TNS4: variants seen among roughly 807,000 people sequenced by gnomAD.
TNS4 encodes tensin-4.
TNS4 carries 46 observed loss-of-function variants against 70.4 expected under a neutral mutation model. The observed-to-expected ratio is 0.65, with a 90% confidence interval of 0.52 to 0.84. The LOEUF is 0.84. TNS4 is among the 40% of genes least tolerant of loss of function. TNS4 has a pLI of 0.00. For missense variants in TNS4, 863 were observed against 907.0 expected (o/e 0.95, Z 0.62); for synonymous variants, 390 against 366.6 (o/e 1.06, Z -0.73).
intron 2 of TNS4, among the ~76,000 whole-genome samples, chr17:40,495,581 C>T (rs1391960348): frequency 2.0e-5 from 3 of 152,120 alleles, no homozygotes; most frequent in African/African-American, 7.2e-5. Flanking sequence ...GGACAGAGGT[C>T]CCAATAGCAA....
chr17:40,483,180 C>G (rs1220880939), intron 6 of TNS4, among the ~76,000 whole-genome samples: 1 of 152,012 alleles, frequency 6.6e-6, no homozygotes, highest in Non-Finnish European at 1.5e-5. Context: ...TGAGCTCAAG[C>G]AGTTCTCCTG....
chr17:40,480,162 A>C, intron 9 of TNS4: 1 of 355,526 alleles, frequency 2.8e-6, no homozygotes. Context: ...TCCTCCCCAC[A>C]CCTCCATCTT....
At chr17:40,497,193 G>A (rs1472530661) in intron 1 of TNS4, among the ~76,000 whole-genome samples, 1 of 152,196 alleles carries the variant, frequency 6.6e-6, no homozygotes, top group African/African-American at 2.4e-5. Context: ...CTAGTTCAGT[G>A]GGGAGGTTAG....
chr17:40,485,080 C>A, intron 4 of TNS4, 73 bp from the exon 5 acceptor site: 1 of 1,327,250 alleles, frequency 7.5e-7, no homozygotes, highest in Non-Finnish European at 1.1e-6. Flanking sequence ...CCAGAGAAGG[C>A]TGGAGACCCT....
rs1278845659 is a variant in TNS4 at position 40,487,030 on chromosome 17, A to G, written c.1288+6T>C. The G allele has an allele frequency of 6.2e-7, 1 of 1,612,492 alleles. No homozygotes were observed. Among genetic ancestry groups the G allele is most frequent in the East Asian group, 2.2e-5 (1 of 44,818 alleles). On this transcript the variant is annotated splice_donor_region_variant and intron_variant, in intron 4 of 12. Transcript: ENST00000254051. Reference sequence around the variant, plus strand: ...ACATTGCTTCAAATATTGGTTTACGACGTACCCTCTGGGCATGTGGTAAAG... The same window carrying G: ...ACATTGCTTCAAATATTGGTTTACGGCGTACCCTCTGGGCATGTGGTAAAG...
intron 12 of TNS4, 121 bp from the exon 13 acceptor site, chr17:40,477,850 AT>A: frequency 1.1e-6 from 1 of 910,340 alleles, no homozygotes; most frequent in Non-Finnish European, 1.7e-6. Context: ...CCCTTAGCCA[AT>A]TGACTCCAGC....
chr17:40,477,669 A>C lies in TNS4; in HGVS notation c.2067T>G (p.Phe689Leu), dbSNP rs2035865781. Residue 689 changes from phenylalanine (F) to leucine (L), a missense_variant, in exon 13 of 13, where the codon TTT becomes TTG. Physicochemically the swap from Phe to Leu is conservative, Grantham distance 22. Coordinates refer to ENST00000254051, the MANE Select transcript of TNS4 (RefSeq NM_032865.6). ...TEPQENVCHL[F>L]AEYDMVQPAS... is the part of the protein sequence containing the mutation. ...CTGGCTGGACCATGTCATACTCCGC[A>C]AAGAGGTGGCATACGTTCTCCTGAG... 6.2e-7 allele frequency: 1 copy of C among 1,614,100 alleles called. No homozygotes were observed. Among genetic ancestry groups the C allele is most frequent in the East Asian group, 2.2e-5 (1 of 44,866 alleles).
rs1404123031 is a variant in TNS4 at position 40,487,312 on chromosome 17, G to A, written c.1012C>T (p.Pro338Ser). 2 of 1,614,152 alleles carry A rather than the reference G, an allele frequency of 1.2e-6. No individual in the cohort carries two copies. The highest frequency in any genetic ancestry group is 1.7e-5 in the Admixed American group (1 of 60,024). Reference protein sequence around the residue: ...RPSDFQAPRNPTLTMGQPRTP... With the variant: ...RPSDFQAPRNSTLTMGQPRTP... Reference sequence around the variant, plus strand: ...CTGGGTTGGCCCATGGTTAGGGTGGGGTTTCTGGGAGCCTGGAAGTCACTG... The same window carrying A: ...CTGGGTTGGCCCATGGTTAGGGTGGAGTTTCTGGGAGCCTGGAAGTCACTG... Residue 338 changes from proline to serine, a missense_variant, in exon 4 of 13, where the codon CCC (proline) becomes TCC (serine). Transcript: ENST00000254051.
Position 40,488,590 on chromosome 17 carries a change from C to T in TNS4, c.819G>A (p.Val273=). 6.6e-7 allele frequency: 1 copy of T among 1,513,808 alleles called. No homozygotes were observed. Among genetic ancestry groups the T allele is most frequent in the African/African-American group, 1.4e-5 (1 of 71,716 alleles). 93.8% of individuals were successfully genotyped at this position (1,513,808 alleles called of 1,614,324 possible). ...CATCAGACACTGGGCTGGCTGACAG[C>T]ACAGAGATCCTGCTGCCCCGCTGTG... ...LAPQRGSRIS[V]LSASPVSDVS... The change falls in exon 3 of 13, where the codon GTG becomes GTA. Residue 273 remains valine (V), a synonymous_variant. Transcript: ENST00000254051.
rs141484005 is a variant in TNS4, at chr17:40,497,149, T to C, written c.-95-629A>G. On this transcript the variant is annotated intron_variant, in intron 1 of 12. Transcript: ENST00000254051. Reference sequence around the variant, plus strand: ...AGTGGGTGAACAACTGTAAGCAGTGTCACGAGAGAGGAGGGAAGGGACAGT... The same window carrying C: ...AGTGGGTGAACAACTGTAAGCAGTGCCACGAGAGAGGAGGGAAGGGACAGT... 2.4e-4 allele frequency among the ~76,000 whole-genome samples: 37 copies of C among 152,206 alleles called. No individual in the cohort carries two copies. In the East Asian group the frequency reaches 5.4e-3, roughly 22 times the overall value.
chr17:40,489,883 C>A (rs1373015042), intron 2 of TNS4, among the ~76,000 whole-genome samples: 1 of 152,004 alleles, frequency 6.6e-6, no homozygotes, highest in African/African-American at 2.4e-5. Context: ...AGACTCACCC[C>A]AGGCTGCGCC....
At position 40,488,746 on chromosome 17, in the gene TNS4, G is replaced by T. The variant is rs187091539; in HGVS notation, c.663C>A (p.Leu221=). ...TGGGGGAATTTGGGGGTCGAGGGGA[G>T]AGACCCTCTGAGGGGGGCAGAGGGC... ...HQRPLPPSEG[L]SPRPPNSPSI... is the part of the protein sequence containing the mutation. The change falls in exon 3 of 13, where the codon CTC becomes CTA. Residue 221 remains leucine, a synonymous_variant. Transcript: ENST00000254051. 1.2e-5 allele frequency: 20 copies of T among 1,600,068 alleles called. No homozygotes were observed. In the African/African-American group the frequency reaches 2.7e-4, roughly 22 times the overall value.
rs1248963202 is a variant in TNS4, at chr17:40,487,466, G to A, written c.864-6C>T. ...AGTGCAGGAGGGACTGGCTGCTGCAGCGGGAGAGAGTCAGACAGGGTGTTA... is the reference window on the plus strand; with the variant it reads ...AGTGCAGGAGGGACTGGCTGCTGCAACGGGAGAGAGTCAGACAGGGTGTTA... On this transcript the variant is annotated splice_polypyrimidine_tract_variant and splice_region_variant and intron_variant, in intron 3 of 12. Coordinates refer to ENST00000254051, the MANE Select transcript of TNS4 (RefSeq NM_032865.6). The A allele has an allele frequency of 1.3e-6, 2 of 1,595,850 alleles. No individual in the cohort carries two copies. Among genetic ancestry groups the A allele is most frequent in the South Asian group, 2.3e-5 (2 of 88,616 alleles).
chr17:40,489,856 A>G (rs1459714227), intron 2 of TNS4, among the ~76,000 whole-genome samples: 1 of 150,644 alleles, frequency 6.6e-6, no homozygotes, highest in Non-Finnish European at 1.5e-5. Flanking sequence ...AGGGATTCTC[A>G]AGCTTGGTTA....
At position 40,478,568 on chromosome 17, in the gene TNS4, C is replaced by A. The variant is rs761245334; in HGVS notation, c.1979+12G>T. 3.1e-6 allele frequency: 5 copies of A among 1,613,966 alleles called. No homozygotes were observed. In the African/African-American group the frequency reaches 4.0e-5, roughly 13 times the overall value. On this transcript the variant is annotated intron_variant, in intron 11 of 12. Transcript: ENST00000254051. ...GGACAGCCTTCTTAGTTTGGCCCAG[C>A]CTTGAACTTACTTCCGTTGCTCAGG... is the stretch of plus-strand genomic sequence containing the variant.
Position 40,477,530 on chromosome 17 carries a change from G to A in TNS4, c.*58C>T. 1 of 1,598,226 alleles carries A rather than the reference G, an allele frequency of 6.3e-7. No homozygotes were observed. The highest frequency in any genetic ancestry group is 1.1e-5 in the South Asian group (1 of 89,446). The stretch of plus-strand genomic sequence containing the variant: ...AAGCCACACCCATTCAGGGGGTGGA[G>A]GGGGGCTCCTTAGCGAGCCCCTGGA... On this transcript the variant is annotated 3_prime_UTR_variant, in exon 13 of 13. Coordinates refer to ENST00000254051, the MANE Select transcript of TNS4 (RefSeq NM_032865.6).
In TNS4 at chr17:40,479,336, G is replaced by A. The variant is rs376856694; in HGVS notation, c.1910+338C>T. On this transcript the variant is annotated intron_variant, in intron 10 of 12. Transcript: ENST00000254051. ...CTAATTTTGTATTTTTAGTAGAGAC[G>A]GGGTTTCATCATGTTGACCAGGCTG... Among the ~76,000 whole-genome samples, 68 of 152,166 alleles carry A rather than the reference G, an allele frequency of 4.5e-4. 1 individual carries two copies. The East Asian group carries it at 8.7e-3, about 19-fold the overall frequency.
intron 2 of TNS4, among the ~76,000 whole-genome samples, chr17:40,494,727 T>C (rs2036120050): frequency 2.5e-5 from 1 of 40,080 alleles, no homozygotes; most frequent in Admixed American, 4.0e-4. Flanking sequence ...GAGACTCCAT[T>C]GCAAAAAAAA....
At chr17:40,481,540 A>G (rs951382022) in intron 8 of TNS4, among the ~76,000 whole-genome samples, 1 of 151,784 alleles carries the variant, frequency 6.6e-6, no homozygotes, top group Non-Finnish European at 1.5e-5. Context: ...AAATTTTTGT[A>G]TTTTTAGTAG....
Sources: gnomAD v4.1 joint callset for allele counts (sites outside exome capture counted in the v4.1 genomes callset) on GRCh38, gnomAD v4.1.1 for gene constraint, MANE v1.5 for transcripts, NCBI Gene and HGNC (gene_info 2026-07-23, HGNC 2026-07-21) for gene names.